The following TENM2 variants were observed in gnomAD, a reference collection of about 807,000 sequenced individuals.
The protein encoded by TENM2 is teneurin-2.
Under a neutral mutation model 245.2 loss-of-function variants are expected in TENM2, and 52 were observed. The ratio of observed to expected loss-of-function variants is 0.21; its 90% CI spans 0.17 to 0.27. The LOEUF (loss-of-function observed/expected upper bound fraction) is 0.27, where lower values mean the gene tolerates loss of function less well. Among genes scored for constraint, TENM2 ranks in the 10% least tolerant of loss-of-function variants. The probability of loss-of-function intolerance (pLI) is 1.00; values close to 1 mark genes in which losing one functional copy is unlikely to be tolerated. For missense variants in TENM2, 3,046 were observed against 3,666.8 expected (o/e 0.83, Z 4.37); for synonymous variants, 1,363 against 1,438.9 (o/e 0.95, Z 1.19).
chr5:167,999,660 G>T (rs1021686729), intron 5 of TENM2, among the ~76,000 whole-genome samples: 4 of 152,192 alleles, frequency 2.6e-5, no homozygotes, highest in African/African-American at 9.7e-5. Context: ...AAACATATTT[G>T]TGCAATCTGG....
intron 2 of TENM2, among the ~76,000 whole-genome samples, chr5:167,423,871 T>A (rs1196601741): frequency 6.6e-6 from 1 of 152,190 alleles, no homozygotes; most frequent in Non-Finnish European, 1.5e-5. Context: ...TTTTTGCCTT[T>A]CTTCCCACTG....
At chr5:167,403,588 A>G (rs944787593) in intron 2 of TENM2, among the ~76,000 whole-genome samples, 1 of 152,172 alleles carries the variant, frequency 6.6e-6, no homozygotes, top group African/African-American at 2.4e-5. Flanking sequence ...AACATTTTAA[A>G]AACTGGGATT....
At chr5:167,410,676 A>T (rs1762861057) in intron 2 of TENM2, among the ~76,000 whole-genome samples, 1 of 152,078 alleles carries the variant, frequency 6.6e-6, no homozygotes, top group South Asian at 2.1e-4. Context: ...CAGGTCTAAA[A>T]TTATTCCAGA....
chr5:167,048,145 G>T, the TENM2 span, among the ~76,000 whole-genome samples: 5 of 152,066 alleles, frequency 3.3e-5, no homozygotes, highest in African/African-American at 1.2e-4. Context: ...TGTTTCCCCT[G>T]TTTACCAAGT....
At chr5:167,398,802 T>C (rs1489140806) in intron 2 of TENM2, among the ~76,000 whole-genome samples, 1 of 152,170 alleles carries the variant, frequency 6.6e-6, no homozygotes, top group Non-Finnish European at 1.5e-5. Flanking sequence ...GCTAGTATAT[T>C]AAGCTCTTAG....
At chr5:167,588,543 G>A (rs1446493792) in intron 2 of TENM2, among the ~76,000 whole-genome samples, 1 of 152,066 alleles carries the variant, frequency 6.6e-6, no homozygotes, top group African/African-American at 2.4e-5. Flanking sequence ...GTTTTCTTTT[G>A]ATACTTAGTT....
rs544112255 is a variant in TENM2 at position 167,475,947 on chromosome 5, G to GA, written c.502+100482dup. Among the ~76,000 whole-genome samples, 86 of 151,418 alleles carry GA rather than the reference G, an allele frequency of 5.7e-4. 4 individuals carry two copies. In the South Asian group the frequency reaches 0.014, roughly 25 times the overall value. Reference sequence around the variant, plus strand: ...AAGTCTTTGTATTGTAAATAGTGCTGAAAAAAAATACATGTACATGCGTCT... The same window carrying GA: ...AAGTCTTTGTATTGTAAATAGTGCTGAAAAAAAAATACATGTACATGCGTCT... On this transcript the variant is annotated intron_variant, in intron 2 of 28. Coordinates refer to ENST00000518659, the Ensembl canonical transcript of TENM2.
At chr5:167,015,615 T>C in the TENM2 span, among the ~76,000 whole-genome samples, 3 of 152,220 alleles carry the variant, frequency 2.0e-5, no homozygotes, top group Non-Finnish European at 4.4e-5. Flanking sequence ...TCATATGTGA[T>C]TTCTGTGAAA....
intron 2 of TENM2, among the ~76,000 whole-genome samples, chr5:167,702,552 G>GTGTATATATATA (rs58351767): frequency 0.012 from 1,628 of 136,682 alleles, 20 homozygotes; most frequent in Non-Finnish European, 0.018. Context: ...GTGTGTGTGT[G>GTGTATATATATA]TATATATATA....
At chr5:168,043,890 A>G (rs1399960668) in intron 5 of TENM2, among the ~76,000 whole-genome samples, 5 of 152,230 alleles carry the variant, frequency 3.3e-5, no homozygotes, top group African/African-American at 1.2e-4. Context: ...TTTGAAACAA[A>G]GAAGAGGTTT....
At chr5:168,037,487 G>A (rs76738318) in intron 5 of TENM2, among the ~76,000 whole-genome samples, 1,816 of 148,914 alleles carry the variant, frequency 0.012, 107 homozygotes, top group Admixed American at 0.089. Context: ...GAAGATATTT[G>A]TCATAGAAAC....
intron 1 of TENM2, among the ~76,000 whole-genome samples, chr5:167,290,273 G>A (rs13360722): frequency 2.6e-5 from 4 of 152,078 alleles, no homozygotes; most frequent in African/African-American, 7.2e-5. Flanking sequence ...GATGGGTACC[G>A]CTAGTGTGAT....
In TENM2 at chr5:167,975,926, G is replaced by A. The variant is rs180701803; in HGVS notation, c.948-17018G>A. Among the ~76,000 whole-genome samples the A allele has an allele frequency of 1.8e-4, 27 of 151,832 alleles. No homozygotes were observed. The South Asian group carries it at 2.3e-3, about 13-fold the overall frequency. ...GAGCAAATCTATAATAAGCAAAAAG[G>A]AGTGGCAGCTTTCTTTTTCTTTTGT... is the stretch of plus-strand genomic sequence containing the variant. On this transcript the variant is annotated intron_variant, in intron 4 of 28. Coordinates refer to ENST00000518659, the Ensembl canonical transcript of TENM2.
chr5:167,246,399 C>G, the TENM2 span, among the ~76,000 whole-genome samples: 1 of 151,914 alleles, frequency 6.6e-6, no homozygotes, highest in African/African-American at 2.4e-5. Context: ...AATGAGCATA[C>G]ACTGTTTTTA....
chr5:167,801,110 ATATATATATATATATATATATATAT>A (rs1419393842), intron 2 of TENM2, among the ~76,000 whole-genome samples: 5 of 62,568 alleles, frequency 8.0e-5, no homozygotes, highest in African/African-American at 3.0e-4. Flanking sequence ...AAAAAAAAAA[ATATATATATATATATATATATATAT>A]ATATATATAT....
chr5:167,286,546 T>G (rs1381952867), intron 1 of TENM2, among the ~76,000 whole-genome samples: 2 of 152,210 alleles, frequency 1.3e-5, no homozygotes, highest in Non-Finnish European at 2.9e-5. Context: ...CACCTCTCTG[T>G]TGTTTCCCAG....
intron 2 of TENM2, among the ~76,000 whole-genome samples, chr5:167,609,512 A>C (rs1462391042): frequency 2.4e-5 from 1 of 42,138 alleles, no homozygotes; most frequent in African/African-American, 5.7e-5. Flanking sequence ...AAAAAAAAAA[A>C]CAAAACCTTA....
intron 2 of TENM2, among the ~76,000 whole-genome samples, chr5:167,760,964 C>G (rs1762626975): frequency 6.6e-6 from 1 of 151,992 alleles, no homozygotes; most frequent in African/African-American, 2.4e-5. Context: ...CTGTTCTGTT[C>G]ATGTCCTGCT....
intron 2 of TENM2, among the ~76,000 whole-genome samples, chr5:167,699,617 A>G (rs932346440): frequency 1.3e-5 from 2 of 152,214 alleles, no homozygotes; most frequent in East Asian, 1.9e-4. Context: ...CCTGCTGATT[A>G]TCTTTGTAAG....
Sources: gnomAD v4.1 joint callset for allele counts (sites outside exome capture counted in the v4.1 genomes callset) on GRCh38, gnomAD v4.1.1 for gene constraint, MANE v1.5 for transcripts, NCBI Gene and HGNC (gene_info 2026-07-23, HGNC 2026-07-21) for gene names.